PXK: variants seen among roughly 807,000 people sequenced by gnomAD.
PXK encodes PX domain containing serine/threonine kinase like.
PXK carries 35 observed loss-of-function variants against 84.7 expected under a neutral mutation model. That is an observed-to-expected ratio of 0.41 (90% CI 0.32 to 0.55). The LOEUF (loss-of-function observed/expected upper bound fraction) is 0.55. PXK is among the 20% of genes least tolerant of loss of function. PXK has a pLI of 0.21. For missense variants in PXK, 634 were observed against 699.7 expected (o/e 0.91, Z 1.06); for synonymous variants, 253 against 260.8 (o/e 0.97, Z 0.29).
At position 58,364,855 on chromosome 3, in the gene PXK, A is replaced by G. The variant is rs1196517823; in HGVS notation, c.103-1019A>G. 2.0e-5 allele frequency among the ~76,000 whole-genome samples: 3 copies of G among 152,156 alleles called. No homozygotes were observed. The highest frequency in any genetic ancestry group is 4.4e-5 in the Non-Finnish European group (3 of 68,032). On this transcript the variant is annotated intron_variant, in intron 1 of 17. Transcript: ENST00000356151. The surrounding 1 kb of genome is among the most constrained non-coding windows in gnomAD (Gnocchi z 4.3). ...AATCGTTCACAGCATTCCCTTATCCATTTGATATCTGCACAGTCTGTAGTG... is the reference window on the plus strand; with the variant it reads ...AATCGTTCACAGCATTCCCTTATCCGTTTGATATCTGCACAGTCTGTAGTG...
rs376936966 is a variant in PXK at position 58,371,702 on chromosome 3, T to C, written c.201+2224T>C. ...CTTATGGCCTTTTTAATATAGTGAA[T>C]TTTATGCTTGCTTCAGTGTAATTTT... is the stretch of plus-strand genomic sequence containing the variant. On this transcript the variant is annotated intron_variant, in intron 3 of 17. Transcript: ENST00000356151. 2.7e-4 allele frequency among the ~76,000 whole-genome samples: 41 copies of C among 152,320 alleles called. No individual in the cohort carries two copies. The South Asian group carries it at 3.5e-3, about 13-fold the overall frequency.
chr3:58,397,693 C>T lies in PXK; in HGVS notation c.1073C>T (p.Ser358Phe). ...CCGCCAGACTCGGTGCCTGTGGACT[C>T]CTTCCCTCCTGCCCCGTCCATGGCT... ...GRPPDSVPVD[S>F]FPPAPSMAVV... Residue 358 changes from serine to phenylalanine, a missense_variant, in exon 11 of 18, where the codon TCC (serine) becomes TTC (phenylalanine). Around this residue, in one of 3 missense-constraint regions of PXK, gnomAD observed 273 missense variants for 283.6 expected, o/e 0.96. Coordinates refer to ENST00000356151, the MANE Select transcript of PXK (RefSeq NM_017771.5). The surrounding 1 kb of genome is among the most constrained non-coding windows in gnomAD (Gnocchi z 4.7). 1.2e-6 allele frequency: 2 copies of T among 1,613,926 alleles called. No homozygotes were observed. Among genetic ancestry groups the T allele is most frequent in the African/African-American group, 1.3e-5 (1 of 74,996 alleles).
rs1171021563 is a variant in PXK at position 58,336,071 on chromosome 3, A to ATTT, written c.102+2997_102+2999dup. Among the ~76,000 whole-genome samples, 56 of 51,562 alleles carry ATTT rather than the reference A, an allele frequency of 1.1e-3. 2 individuals carry two copies. Among genetic ancestry groups the ATTT allele is most frequent in the African/African-American group, 1.3e-3 (13 of 9,868 alleles). 33.8% of individuals were successfully genotyped at this position (51,562 alleles called of 152,430 possible). A position where few individuals can be genotyped will look rare whatever the true frequency, so the allele number is the denominator to read the frequency against. On this transcript the variant is annotated intron_variant, in intron 1 of 17. Coordinates refer to ENST00000356151, the MANE Select transcript of PXK (RefSeq NM_017771.5). ...TATATATATATATATATATATATAT[A>ATTT]TTTTTTTTTTTTTTTTTTAATACCA...
Position 58,398,809 on chromosome 3 carries a change from T to A in PXK, c.1103-490T>A, listed in dbSNP as rs2058125052. On this transcript the variant is annotated intron_variant, in intron 11 of 17. Coordinates refer to ENST00000356151, the MANE Select transcript of PXK (RefSeq NM_017771.5). This position sits in a 1 kb window ranked among gnomAD's most constrained non-coding sequence, Gnocchi z 4.5. Reference sequence around the variant, plus strand: ...GCCCTGGGACTATATTGTGTTGAATTTGAACCGCTGAAACTGAACAGTGAC... The same window carrying A: ...GCCCTGGGACTATATTGTGTTGAATATGAACCGCTGAAACTGAACAGTGAC... Among the ~76,000 whole-genome samples, 1 of 152,192 alleles carries A rather than the reference T, an allele frequency of 6.6e-6. No individual in the cohort carries two copies. The highest frequency in any genetic ancestry group is 1.5e-5 in the Non-Finnish European group (1 of 68,042).
In PXK at chr3:58,421,151, G is replaced by A. The variant is rs1341933351; in HGVS notation, c.1529-3601G>A. ...CCTGCTTCGGTTCTCTCCTGAGGGT[G>A]GCTGGTAAGTCTGGTGTTACCCTAG... On this transcript the variant is annotated intron_variant, in intron 17 of 17. Transcript: ENST00000356151. The surrounding 1 kb of genome is among the most constrained non-coding windows in gnomAD (Gnocchi z 5.5). 1.0e-6 allele frequency: 1 copy of A among 985,394 alleles called. No individual in the cohort carries two copies. The highest frequency in any genetic ancestry group is 1.2e-6 in the Non-Finnish European group (1 of 829,930). 61.0% of individuals were successfully genotyped at this position (985,394 alleles called of 1,614,324 possible).
In PXK at chr3:58,422,211, C is replaced by G. The variant is rs111688423; in HGVS notation, c.1529-2541C>G. ...ATCAATGGGGCAGACTGAGTGAGAC[C>G]GAGTCCCAGGTCTGTGTTCCTGCCT... On this transcript the variant is annotated intron_variant, in intron 17 of 17. Transcript: ENST00000356151. 8.0e-5 allele frequency: 79 copies of G among 985,396 alleles called. No individual in the cohort carries two copies. The African/African-American group carries it at 1.2e-3, about 15-fold the overall frequency. The allele number at this position is 985,396 out of a possible 1,614,324, so 61.0% of individuals were successfully genotyped here.
Position 58,401,645 on chromosome 3 carries a change from G to A in PXK, c.1182-2217G>A, listed in dbSNP as rs537758650. 1.3e-5 allele frequency among the ~76,000 whole-genome samples: 2 copies of A among 150,902 alleles called. No homozygotes were observed. Among genetic ancestry groups the A allele is most frequent in the African/African-American group, 4.9e-5 (2 of 41,072 alleles). ...TGTCTCAAAAATAAAACAAAGTGAG[G>A]GGCAGGCGTGGTGGCTCATGCCTGT... On this transcript the variant is annotated intron_variant, in intron 12 of 17. Transcript: ENST00000356151. This position sits in a 1 kb window ranked among gnomAD's most constrained non-coding sequence, Gnocchi z 4.4.
chr3:58,356,859 C>T (rs1349923521), intron 1 of PXK, among the ~76,000 whole-genome samples: 1 of 151,186 alleles, frequency 6.6e-6, no homozygotes, highest in East Asian at 2.0e-4. Context: ...TCCTCAGCCT[C>T]CAAAGTGCTG....
intron 1 of PXK, among the ~76,000 whole-genome samples, chr3:58,337,402 G>A (rs2097642024): frequency 6.6e-6 from 1 of 152,098 alleles, no homozygotes; most frequent in Non-Finnish European, 1.5e-5. Context: ...TATGTGCCAG[G>A]CACATGCTAG....
chr3:58,384,839 G>A (rs572271618), intron 4 of PXK, among the ~76,000 whole-genome samples: 1 of 152,182 alleles, frequency 6.6e-6, no homozygotes, highest in African/African-American at 2.4e-5. Context: ...TGCTCTCAGG[G>A]AGCTGGTACC....
intron 17 of PXK, among the ~76,000 whole-genome samples, chr3:58,423,901 G>A (rs1452367327): frequency 1.3e-5 from 2 of 152,224 alleles, no homozygotes; most frequent in Non-Finnish European, 2.9e-5. Context: ...GCTGAGGGAA[G>A]TTTTAGACAC....
rs2058364456 is a variant in PXK at position 58,400,332 on chromosome 3, C to T, written c.1181+955C>T. Reference sequence around the variant, plus strand: ...TGCAGTGTATCTGGTGCTTTGTCTGCACCAGCGTATTATATAACAGATATA... The same window carrying T: ...TGCAGTGTATCTGGTGCTTTGTCTGTACCAGCGTATTATATAACAGATATA... On this transcript the variant is annotated intron_variant, in intron 12 of 17. Coordinates refer to ENST00000356151, the MANE Select transcript of PXK (RefSeq NM_017771.5). This position sits in a 1 kb window ranked among gnomAD's most constrained non-coding sequence, Gnocchi z 4.0. Among the ~76,000 whole-genome samples, 1 of 152,138 alleles carries T rather than the reference C, an allele frequency of 6.6e-6. No homozygotes were observed. The highest frequency in any genetic ancestry group is 2.4e-5 in the African/African-American group (1 of 41,430).
chr3:58,376,609 T>G (rs1293379436), intron 3 of PXK, among the ~76,000 whole-genome samples: 2 of 152,078 alleles, frequency 1.3e-5, no homozygotes, highest in African/African-American at 4.8e-5. Context: ...AGTTGTGTTT[T>G]AGGTAATATA....
Position 58,400,908 on chromosome 3 carries a change from T to C in PXK, c.1181+1531T>C, listed in dbSNP as rs1276839727. Among the ~76,000 whole-genome samples, 1 of 152,026 alleles carries C rather than the reference T, an allele frequency of 6.6e-6. No individual in the cohort carries two copies. Among genetic ancestry groups the C allele is most frequent in the Non-Finnish European group, 1.5e-5 (1 of 68,000 alleles). On this transcript the variant is annotated intron_variant, in intron 12 of 17. Transcript: ENST00000356151. This position sits in a 1 kb window ranked among gnomAD's most constrained non-coding sequence, Gnocchi z 4.0. Reference sequence around the variant, plus strand: ...TCCAGCCTGGGTGACAGAGCAAGACTCCGTCTCAAAACAAAACAAACAATG... The same window carrying C: ...TCCAGCCTGGGTGACAGAGCAAGACCCCGTCTCAAAACAAAACAAACAATG...
At position 58,396,999 on chromosome 3, in the gene PXK, G is replaced by C. The variant is rs145933370; in HGVS notation, c.823-40G>C. On this transcript the variant is annotated intron_variant, in intron 9 of 17. Transcript: ENST00000356151. ...AGTTTAACTTGTCTTATATCTGAAT[G>C]AGTTTGGGGAAAATGTAACTTTCCC... 5.0e-4 allele frequency: 792 copies of C among 1,574,830 alleles called. 3 individuals carry two copies. The African/African-American group carries it at 9.6e-3, about 19-fold the overall frequency.
chr3:58,348,849 C>A (rs368234122), intron 1 of PXK, among the ~76,000 whole-genome samples: 3 of 152,158 alleles, frequency 2.0e-5, no homozygotes, highest in South Asian at 4.2e-4. Context: ...GCAGTGGAGG[C>A]TGCAGTGAGC....
intron 2 of PXK, among the ~76,000 whole-genome samples, chr3:58,366,507 A>C (rs2098274569): frequency 6.6e-6 from 1 of 152,070 alleles, no homozygotes; most frequent in Admixed American, 6.5e-5. Context: ...TGAATTCTGC[A>C]TAGGGGCCCT....
chr3:58,352,098 A>C (rs2097940081), intron 1 of PXK, among the ~76,000 whole-genome samples: 1 of 152,230 alleles, frequency 6.6e-6, no homozygotes, highest in Non-Finnish European at 1.5e-5. Context: ...GATCTCTGTG[A>C]CTGGAAAATG....
intron 1 of PXK, among the ~76,000 whole-genome samples, chr3:58,341,697 T>G (rs1447889084): frequency 1.7e-5 from 2 of 119,472 alleles, no homozygotes; most frequent in East Asian, 4.0e-4. Context: ...GAACATTTTC[T>G]TTTCTTTTCT....
Sources: allele counts gnomAD v4.1 joint callset (sites outside exome capture counted in the v4.1 genomes callset), GRCh38; gene constraint gnomAD v4.1.1; regional missense constraint gnomAD v4.1.1; non-coding constraint Gnocchi (gnomAD v3.1); transcripts MANE v1.5; gene names NCBI Gene and HGNC (gene_info 2026-07-23, HGNC 2026-07-21).